Variants in RORA observed in about 807,000 individuals in gnomAD.
RORA encodes the protein RAR related orphan receptor A, also known as nuclear receptor ROR-alpha.
A neutral mutation model predicts 69.5 loss-of-function variants in RORA; 7 were observed. The ratio of observed to expected loss-of-function variants is 0.10; its 90% confidence interval spans 0.06 to 0.19. The LOEUF is 0.19. RORA is among the 10% of genes least tolerant of loss of function. The pLI is 1.00. For missense variants in RORA, 457 were observed against 663.0 expected (o/e 0.69, Z 3.41); for synonymous variants, 261 against 240.8 (o/e 1.08, Z -0.78).
chr15:60,688,642 A>G (rs2070780589), intron 1 of RORA, among the ~76,000 whole-genome samples: 1 of 152,216 alleles, frequency 6.6e-6, no homozygotes, highest in Admixed American at 6.5e-5. Context: ...TACTTTCAGG[A>G]GTGCCCTATG....
chr15:60,712,990 GA>G (rs201000137), intron 1 of RORA, among the ~76,000 whole-genome samples: 3 of 149,086 alleles, frequency 2.0e-5, no homozygotes, highest in East Asian at 2.0e-4. Flanking sequence ...GTTAAGCAGG[GA>G]AAAAAAAACA....
At chr15:60,550,098 C>A (rs2067188918) in intron 2 of RORA, among the ~76,000 whole-genome samples, 2 of 152,196 alleles carry the variant, frequency 1.3e-5, no homozygotes, top group African/African-American at 4.8e-5. Context: ...CAAGACCAGC[C>A]TGGCCAAGAT....
chr15:61,179,850 C>T (rs868346557), intron 1 of RORA, among the ~76,000 whole-genome samples: 1 of 152,092 alleles, frequency 6.6e-6, no homozygotes, highest in Non-Finnish European at 1.5e-5. Flanking sequence ...GAAGACAAAA[C>T]CGTAGGCTGG....
chr15:60,871,119 G>T (rs1449065324), intron 1 of RORA, among the ~76,000 whole-genome samples: 1 of 152,210 alleles, frequency 6.6e-6, no homozygotes, highest in Non-Finnish European at 1.5e-5. Flanking sequence ...ACAGTAATTA[G>T]AATGGACTTC....
chr15:60,526,962 T>C (rs541725623), intron 3 of RORA, among the ~76,000 whole-genome samples: 1 of 152,354 alleles, frequency 6.6e-6, no homozygotes, highest in South Asian at 2.1e-4. Flanking sequence ...GCCTTTTTTA[T>C]TGTTTAAGAA....
chr15:61,169,627 G>C, intron 1 of RORA, among the ~76,000 whole-genome samples: 1 of 118,108 alleles, frequency 8.5e-6, no homozygotes, highest in Non-Finnish European at 1.7e-5. Flanking sequence ...GCTTGGTTTC[G>C]TTTTTCCATT....
intron 2 of RORA, among the ~76,000 whole-genome samples, chr15:60,653,575 C>T (rs763977825): frequency 1.3e-4 from 20 of 152,108 alleles, no homozygotes; most frequent in Admixed American, 1.2e-3. Context: ...GTTATTTATT[C>T]GGCCAGATAT....
chr15:60,566,743 G>A (rs1236683919), intron 2 of RORA, among the ~76,000 whole-genome samples: 1 of 152,134 alleles, frequency 6.6e-6, no homozygotes, highest in Non-Finnish European at 1.5e-5. Context: ...ACTTCCCTAG[G>A]CAGTGAAAGT....
At chr15:60,949,842 C>T (rs909710694) in intron 1 of RORA, among the ~76,000 whole-genome samples, 7 of 152,140 alleles carry the variant, frequency 4.6e-5, no homozygotes, top group East Asian at 1.9e-4. Flanking sequence ...GTGTCACCAA[C>T]GCTGGTTTTG....
intron 1 of RORA, among the ~76,000 whole-genome samples, chr15:61,001,895 C>A (rs982097313): frequency 6.6e-6 from 1 of 152,186 alleles, no homozygotes; most frequent in Non-Finnish European, 1.5e-5. Context: ...CACAGTCATA[C>A]AAAGATCCAG....
In RORA at chr15:61,213,237, C is replaced by T. The variant is rs2080009612; in HGVS notation, c.166+15816G>A. ...AACTCCACTTCCTGGGGAATCCTAC[C>T]GCAGAGTCAACTCTTCTTCGCCTTC... On this transcript the variant is annotated intron_variant, in intron 1 of 10. Coordinates refer to ENST00000335670, the MANE Select transcript of RORA (RefSeq NM_134261.3). This position sits in a 1 kb window ranked among gnomAD's most constrained non-coding sequence, Gnocchi z 4.1. 6.6e-6 allele frequency among the ~76,000 whole-genome samples: 1 copy of T among 152,136 alleles called. No individual in the cohort carries two copies. The highest frequency in any genetic ancestry group is 6.5e-5 in the Admixed American group (1 of 15,270).
At chr15:60,731,855 C>T (rs2071434416) in intron 1 of RORA, among the ~76,000 whole-genome samples, 1 of 152,232 alleles carries the variant, frequency 6.6e-6, no homozygotes. Context: ...ACATGAATTG[C>T]ATAAGCTTAA....
At chr15:60,827,524 G>C (rs1016877628) in intron 1 of RORA, among the ~76,000 whole-genome samples, 1 of 152,204 alleles carries the variant, frequency 6.6e-6, no homozygotes, top group Non-Finnish European at 1.5e-5. Context: ...TAATGTAATT[G>C]AAGTGTACTC....
chr15:60,917,719 G>T lies in RORA; in HGVS notation c.167-239033C>A, dbSNP rs1295089615. On this transcript the variant is annotated intron_variant, in intron 1 of 10. Coordinates refer to ENST00000335670, the MANE Select transcript of RORA (RefSeq NM_134261.3). ...TTTACCAGTTAAAGGCAAGGGCTGAGAATATAATCTCTCAGGAGTTAAGTT... is the reference window on the plus strand; with the variant it reads ...TTTACCAGTTAAAGGCAAGGGCTGATAATATAATCTCTCAGGAGTTAAGTT... Among the ~76,000 whole-genome samples, 4 of 152,230 alleles carry T rather than the reference G, an allele frequency of 2.6e-5. No individual in the cohort carries two copies. The East Asian group carries it at 7.7e-4, about 29-fold the overall frequency.
intron 1 of RORA, among the ~76,000 whole-genome samples, chr15:60,774,263 C>T (rs552062931): frequency 2.6e-5 from 4 of 152,164 alleles, no homozygotes; most frequent in Non-Finnish European, 5.9e-5. Flanking sequence ...GGTGAGTCTG[C>T]GTAGTACTTT....
intron 2 of RORA, chr15:60,544,920 C>G (rs913172478): frequency 2.0e-5 from 3 of 152,296 alleles, no homozygotes; most frequent in Admixed American, 2.0e-4. Context: ...CAAGGACCAT[C>G]AGGACACAGA....
intron 1 of RORA, among the ~76,000 whole-genome samples, chr15:61,052,841 G>A (rs2140507485): frequency 6.6e-6 from 1 of 152,280 alleles, no homozygotes; most frequent in East Asian, 1.9e-4. Context: ...GCCACGTACA[G>A]TTGGCTTGGA....
intron 1 of RORA, among the ~76,000 whole-genome samples, chr15:61,075,911 C>T (rs1258738799): frequency 6.6e-6 from 1 of 152,162 alleles, no homozygotes; most frequent in African/African-American, 2.4e-5. Flanking sequence ...AATTACTTGG[C>T]TCCTGGAGCT....
chr15:60,817,918 G>C (rs2072839442), intron 1 of RORA, among the ~76,000 whole-genome samples: 2 of 152,192 alleles, frequency 1.3e-5, no homozygotes, highest in Non-Finnish European at 2.9e-5. Context: ...CAAGGATACA[G>C]TTTTCTTTTC....
Sources: gnomAD v4.1 joint callset for allele counts (sites outside exome capture counted in the v4.1 genomes callset) on GRCh38, gnomAD v4.1.1 for gene constraint, Gnocchi (gnomAD v3.1) non-coding constraint, MANE v1.5 for transcripts, NCBI Gene and HGNC (gene_info 2026-07-23, HGNC 2026-07-21) for gene names.